YARS1: variants seen among roughly 807,000 people sequenced by gnomAD.
YARS1 encodes tyrosyl-tRNA synthetase 1.
In YARS1, 36 loss-of-function variants were observed where a neutral mutation model predicts 62.2. That is an observed-to-expected ratio of 0.58 (90% confidence interval 0.44 to 0.76). YARS1 has a LOEUF of 0.76. Among genes scored for constraint, YARS1 ranks in the 30% least tolerant of loss-of-function variants. YARS1 has a pLI of 0.00. For missense variants in YARS1, 524 were observed against 639.8 expected (o/e 0.82, Z 1.95); for synonymous variants, 234 against 244.9 (o/e 0.96, Z 0.42).
chr1:32,786,402 T>C lies in YARS1; in HGVS notation c.866A>G (p.Tyr289Cys). The C allele has an allele frequency of 1.2e-6, 2 of 1,614,124 alleles. No homozygotes were observed. Among genetic ancestry groups the C allele is most frequent in the Non-Finnish European group, 1.7e-6 (2 of 1,180,002 alleles). ...RDEKWGGNKT[Y>C]TAYVDLEKDF... ...CTTTTCCAGGTCCACGTAAGCTGTGTAGGTTTTGTTTCCACCCCATTTCTC... is the reference window on the plus strand; with the variant it reads ...CTTTTCCAGGTCCACGTAAGCTGTGCAGGTTTTGTTTCCACCCCATTTCTC... Residue 289 changes from tyrosine (Y) to cysteine (C), a missense_variant, in exon 8 of 13, where the codon TAC becomes TGC. Transcript: ENST00000373477.
rs951981084 is a variant in YARS1 at position 32,791,144 on chromosome 1, T to G, written c.684+18A>C. ...GAGGCTGAAGATTTCTAAATTCAAG[T>G]CTCAGCTGGCAACTTACCTCTTCTG... On this transcript the variant is annotated intron_variant, in intron 6 of 12. Transcript: ENST00000373477. 1 of 1,606,728 alleles carries G rather than the reference T, an allele frequency of 6.2e-7. No homozygotes were observed. Among genetic ancestry groups the G allele is most frequent in the Non-Finnish European group, 8.5e-7 (1 of 1,173,460 alleles).
chr1:32,809,330 T>C (rs1052641595), intron 3 of YARS1, among the ~76,000 whole-genome samples: 4 of 152,170 alleles, frequency 2.6e-5, no homozygotes, highest in African/African-American at 9.7e-5. Context: ...TCAAGTGATG[T>C]GCCCACCTCA....
At chr1:32,783,536 C>T (rs186885552) in intron 8 of YARS1, 5 of 152,190 alleles carry the variant, frequency 3.3e-5, no homozygotes, top group Non-Finnish European at 5.9e-5. Context: ...GTCTTGAACT[C>T]CTGACCTCGT....
chr1:32,811,263 A>G, intron 1 of YARS1: 1 of 770,926 alleles, frequency 1.3e-6, no homozygotes, highest in South Asian at 1.6e-5. Context: ...GAGCCAGACA[A>G]ACTCCATTTT....
chr1:32,805,453 G>A (rs542497382), intron 4 of YARS1, among the ~76,000 whole-genome samples: 2 of 152,234 alleles, frequency 1.3e-5, no homozygotes, highest in African/African-American at 4.8e-5. Context: ...TCTATCCAGA[G>A]CACTACAATC....
At chr1:32,815,007 C>T (rs1331881529) in intron 1 of YARS1, among the ~76,000 whole-genome samples, 1 of 152,158 alleles carries the variant, frequency 6.6e-6, no homozygotes, top group African/African-American at 2.4e-5. Flanking sequence ...AACGTGGACA[C>T]TTGGAGGGTT....
At chr1:32,798,896 G>T (rs1040046806) in intron 4 of YARS1, among the ~76,000 whole-genome samples, 3 of 152,144 alleles carry the variant, frequency 2.0e-5, no homozygotes, top group Non-Finnish European at 4.4e-5. Flanking sequence ...CCTGCTGCCA[G>T]CTCCGTGGAT....
rs1467364004 is a variant in YARS1 at position 32,779,231 on chromosome 1, A to G, written c.1476+151T>C. 3 of 1,307,388 alleles carry G rather than the reference A, an allele frequency of 2.3e-6. No individual in the cohort carries two copies. The African/African-American group carries it at 4.4e-5, about 19-fold the overall frequency. 81.0% of individuals were successfully genotyped at this position (1,307,388 alleles called of 1,614,324 possible). On this transcript the variant is annotated intron_variant, in intron 12 of 12. Transcript: ENST00000373477. ...CCCCCATGCTCCTTAGGCACCTTGA[A>G]TTCAAAAAGGTCTGGAAAGAAGGAG...
At chr1:32,782,237 C>T (rs1026351002) in intron 9 of YARS1, 167 bp downstream of exon 9, 6 of 1,165,692 alleles carry the variant, frequency 5.1e-6, no homozygotes, top group Non-Finnish European at 7.4e-6. Context: ...TAACCAAACC[C>T]AAATCAAAAT....
At chr1:32,802,986 T>C (rs1355770194) in intron 4 of YARS1, among the ~76,000 whole-genome samples, 1 of 149,040 alleles carries the variant, frequency 6.7e-6, no homozygotes, top group Non-Finnish European at 1.5e-5. Context: ...CTATTTTTTT[T>C]TTTTTTTTTT....
chr1:32,810,645 C>A lies in YARS1; in HGVS notation c.326G>T (p.Gly109Val). Residue 109 changes from glycine (G) to valine (V), a missense_variant, in exon 3 of 13, where the codon GGT becomes GTT. Gly to Val is a moderately radical substitution (Grantham distance 109, BLOSUM62 -3). Coordinates refer to ENST00000373477, the MANE Select transcript of YARS1 (RefSeq NM_003680.4). ...GAACTTGAGCTTCTCCAAGGGCACA[C>A]CAATGCTCTCCAGCATTGCTTTGAT... ...NVIKAMLESIGVPLEKLKFIK... is the reference protein window; with the variant it reads ...NVIKAMLESIVVPLEKLKFIK... The A allele has an allele frequency of 6.2e-7, 1 of 1,613,878 alleles. No individual in the cohort carries two copies. Among genetic ancestry groups the A allele is most frequent in the Non-Finnish European group, 8.5e-7 (1 of 1,180,024 alleles).
At chr1:32,817,021 C>CTGCT in intron 1 of YARS1, 167 bp downstream of exon 1, 1 of 838,902 alleles carries the variant, frequency 1.2e-6, no homozygotes, top group South Asian at 1.4e-5. Context: ...CAGGGAAGGG[C>CTGCT]TGCTTGATTG....
At chr1:32,814,180 C>A (rs923893216) in intron 1 of YARS1, among the ~76,000 whole-genome samples, 8 of 152,158 alleles carry the variant, frequency 5.3e-5, no homozygotes, top group Admixed American at 4.6e-4. Context: ...CACTCCCCAA[C>A]CATCTTTTTC....
intron 6 of YARS1, among the ~76,000 whole-genome samples, chr1:32,789,240 T>G (rs1035323643): frequency 6.6e-6 from 1 of 152,228 alleles, no homozygotes; most frequent in African/African-American, 2.4e-5. Flanking sequence ...TAATGCTACA[T>G]TGGACATCTT....
chr1:32,804,685 C>T lies in YARS1; in HGVS notation c.510+1797G>A, dbSNP rs1638406419. ...ACATCTGAGACGATGGGCAGCCGGG[C>T]AGAGACGCTCCTCACTTCCCAGACG... On this transcript the variant is annotated intron_variant, in intron 4 of 12. Coordinates refer to ENST00000373477, the MANE Select transcript of YARS1 (RefSeq NM_003680.4). 2.0e-5 allele frequency among the ~76,000 whole-genome samples: 3 copies of T among 151,528 alleles called. No individual in the cohort carries two copies. In the South Asian group the frequency reaches 6.3e-4, roughly 32 times the overall value.
rs1290567332 is a variant in YARS1, at chr1:32,791,188, C to T, written c.658G>A (p.Gly220Ser). ...TCTTCTGAAGAGCTCATTTTGCTGC[C>T]TGTTAATCCTGGAACCATAGGATTC... ...LMNPMVPGLTGSKMSSSEEES... is the reference protein window; with the variant it reads ...LMNPMVPGLTSSKMSSSEEES... The change falls in exon 6 of 13, where the codon GGC (glycine) becomes AGC (serine). Residue 220 changes from glycine (G) to serine (S), a missense_variant. Coordinates refer to ENST00000373477, the MANE Select transcript of YARS1 (RefSeq NM_003680.4). 6.2e-7 allele frequency: 1 copy of T among 1,614,044 alleles called. No individual in the cohort carries two copies. Among genetic ancestry groups the T allele is most frequent in the East Asian group, 2.2e-5 (1 of 44,864 alleles).
At position 32,776,859 on chromosome 1, in the gene YARS1, C is replaced by A. The variant is rs1652878174; in HGVS notation, c.1477-768G>T. ...TGGGGCGCCTGTAGTCCCAGCTACTCAGAAGGCTGAGGCAGGAGAATCACT... is the reference window on the plus strand; with the variant it reads ...TGGGGCGCCTGTAGTCCCAGCTACTAAGAAGGCTGAGGCAGGAGAATCACT... On this transcript the variant is annotated intron_variant, in intron 12 of 12. Coordinates refer to ENST00000373477, the MANE Select transcript of YARS1 (RefSeq NM_003680.4). This position sits in a 1 kb window ranked among gnomAD's most constrained non-coding sequence, Gnocchi z 4.0. 6.6e-6 allele frequency among the ~76,000 whole-genome samples: 1 copy of A among 151,862 alleles called. No homozygotes were observed. The highest frequency in any genetic ancestry group is 1.5e-5 in the Non-Finnish European group (1 of 68,000).
chr1:32,790,103 C>T (rs960229939), intron 6 of YARS1, among the ~76,000 whole-genome samples: 15 of 141,716 alleles, frequency 1.1e-4, no homozygotes, highest in Admixed American at 7.0e-5. Flanking sequence ...AGGCTGGTCT[C>T]GAACTCCTGA....
Position 32,776,839 on chromosome 1 carries a change from C to T in YARS1, c.1477-748G>A, listed in dbSNP as rs995563456. The stretch of plus-strand genomic sequence containing the variant: ...AAATTAGCCGGGTGTGGTGGTGGGG[C>T]GCCTGTAGTCCCAGCTACTCAGAAG... On this transcript the variant is annotated intron_variant, in intron 12 of 12. Coordinates refer to ENST00000373477, the MANE Select transcript of YARS1 (RefSeq NM_003680.4). The surrounding 1 kb of genome is among the most constrained non-coding windows in gnomAD (Gnocchi z 4.0). Among the ~76,000 whole-genome samples, 247 of 151,928 alleles carry T rather than the reference C, an allele frequency of 1.6e-3. 2 individuals are homozygous for T. Among genetic ancestry groups the T allele is most frequent in the Non-Finnish European group, 9.1e-4 (62 of 67,968 alleles).
Sources: allele counts gnomAD v4.1 joint callset (sites outside exome capture counted in the v4.1 genomes callset), GRCh38; gene constraint gnomAD v4.1.1; non-coding constraint Gnocchi (gnomAD v3.1); transcripts MANE v1.5; gene names NCBI Gene and HGNC (gene_info 2026-07-23, HGNC 2026-07-21).